PHKA2: variants seen among roughly 807,000 people sequenced by gnomAD.
PHKA2 encodes the protein phosphorylase kinase regulatory subunit alpha 2.
PHKA2 carries 31 observed loss-of-function variants against 102.0 expected under a neutral mutation model. That is an observed-to-expected ratio of 0.30 (90% confidence interval 0.23 to 0.41). PHKA2 has a LOEUF of 0.41. Among genes scored for constraint, PHKA2 ranks in the 10% least tolerant of loss-of-function variants. PHKA2 has a pLI of 1.00. For missense variants in PHKA2, 858 were observed against 1,023.1 expected (o/e 0.84, Z 2.20); for synonymous variants, 455 against 416.2 (o/e 1.09, Z -1.13).
chrX:18,927,799 C>T (rs1353748551), intron 13 of PHKA2, among the ~76,000 whole-genome samples: 1 of 111,304 alleles, frequency 9.0e-6, no homozygotes, highest in African/African-American at 3.3e-5. Flanking sequence ...CTTTCCTTAA[C>T]ACCTGTCTCT....
Position 18,901,521 on chromosome X carries a change from CCT to C in PHKA2, c.2989_2990del (p.Arg997GlufsTer4). On this transcript the variant is annotated frameshift_variant, in exon 27 of 33. Transcript: ENST00000379942. LOFTEE classifies it high-confidence loss of function. ...VGHTGVTKTE[R>X]SGINRLRSEM... is the part of the protein sequence containing the mutation. ...CACTCCTCAGTCTGTTAATGCCACT[CCT>C]CTCAGTTTTGGTGACTCCGGTATGG... The C allele has an allele frequency of 8.3e-7, 1 of 1,202,638 alleles. No homozygotes were observed. The highest frequency in any genetic ancestry group is 1.1e-6 in the Non-Finnish European group (1 of 887,214).
chrX:18,969,256 G>A (rs1375498382), intron 1 of PHKA2, among the ~76,000 whole-genome samples: 1 of 111,433 alleles, frequency 9.0e-6, no homozygotes, highest in Non-Finnish European at 1.9e-5. Context: ...TCTGCCAAAT[G>A]CCCAAGTCTG....
At chrX:18,894,020 C>T (rs200819036) in intron 32 of PHKA2, 184 bp downstream of exon 32, 5 of 494,442 alleles carry the variant, frequency 1.0e-5, no homozygotes, top group African/African-American at 6.9e-5. Flanking sequence ...GCCTATCCAT[C>T]CCCAAAGGTC....
rs1306294626 is a variant in PHKA2 at position 18,895,140 on chromosome X, C to A, written c.3334G>T (p.Glu1112Ter). Residue 1112 changes from glutamate to a stop codon, truncating the protein, a stop_gained and splice_region_variant, in exon 31 of 33, where the codon GAG (glutamate) becomes TAG (stop). Coordinates refer to ENST00000379942, the MANE Select transcript of PHKA2 (RefSeq NM_000292.3). LOFTEE classifies it high-confidence loss of function. ...CCTCTGCGTTTTTCTCATCGTACCTCTCGGGTCGTCGAGGATGGGAGGACA... is the reference window on the plus strand; with the variant it reads ...CCTCTGCGTTTTTCTCATCGTACCTATCGGGTCGTCGAGGATGGGAGGACA... The part of the protein sequence containing the change: ...GYVLPSSTTR[E>*]MTPHEIKFAV... 2 of 1,210,782 alleles carry A rather than the reference C, an allele frequency of 1.7e-6. No homozygotes were observed. The highest frequency in any genetic ancestry group is 2.2e-6 in the Non-Finnish European group (2 of 894,657).
chrX:18,983,257 C>A (rs2148056191), intron 1 of PHKA2, among the ~76,000 whole-genome samples: 1 of 112,972 alleles, frequency 8.9e-6, no homozygotes, highest in African/African-American at 3.2e-5. Context: ...CAGGCAAATT[C>A]ATACCTCGGA....
At chrX:18,962,651 TCAAACAAA>T (rs779082679) in intron 1 of PHKA2, among the ~76,000 whole-genome samples, 1 of 111,425 alleles carries the variant, frequency 9.0e-6, no homozygotes, top group Admixed American at 9.5e-5. Context: ...TATACCACAG[TCAAACAAA>T]CAAACAAACA....
chrX:18,935,455 C>T (rs1469677657), intron 11 of PHKA2, among the ~76,000 whole-genome samples: 1 of 111,733 alleles, frequency 8.9e-6, no homozygotes, highest in Non-Finnish European at 1.9e-5. Context: ...TGGGTTTACG[C>T]TCTTTAGAGA....
intron 26 of PHKA2, among the ~76,000 whole-genome samples, chrX:18,904,490 A>G (rs976021188): frequency 8.9e-5 from 10 of 112,771 alleles, no homozygotes; most frequent in Non-Finnish European, 1.9e-4. Context: ...TAGCATCTAT[A>G]GCTGTACATC....
At chrX:18,939,586 C>T (rs1278369376) in intron 9 of PHKA2, among the ~76,000 whole-genome samples, 1 of 112,113 alleles carries the variant, frequency 8.9e-6, no homozygotes. Context: ...CTCCGCCTCC[C>T]GGGTTCACGC....
At position 18,926,587 on chromosome X, in the gene PHKA2, A is replaced by C; in HGVS notation, c.1325T>G (p.Val442Gly). ...TSVKPDVVVQ[V>G]TVLAENNHIK... ...GTGATTGTTTTCTGCCAAAACAGTA[A>C]CTGTGAACAAGAACACAGAATGAGC... Residue 442 changes from valine to glycine, a missense_variant and splice_region_variant, in exon 14 of 33, where the codon GTT becomes GGT. Val to Gly is a moderately radical substitution (Grantham distance 109, BLOSUM62 -3). This residue lies in a region of PHKA2 where 671 missense variants were observed against 745.2 expected (regional missense o/e 0.90). Coordinates refer to ENST00000379942, the MANE Select transcript of PHKA2 (RefSeq NM_000292.3). 8.3e-7 allele frequency: 1 copy of C among 1,209,431 alleles called. No individual in the cohort carries two copies. The highest frequency in any genetic ancestry group is 1.1e-6 in the Non-Finnish European group (1 of 893,149).
At chrX:18,922,375 A>G (rs1265379045) in intron 17 of PHKA2, among the ~76,000 whole-genome samples, 1 of 112,377 alleles carries the variant, frequency 8.9e-6, no homozygotes, top group Non-Finnish European at 1.9e-5. Context: ...GTGGATGCAG[A>G]TTGCTGGTAT....
At chrX:18,917,558 C>CA (rs976254301) in intron 19 of PHKA2, among the ~76,000 whole-genome samples, 10 of 110,914 alleles carry the variant, frequency 9.0e-5, no homozygotes, top group Non-Finnish European at 1.9e-4. Context: ...CACGCCCAGC[C>CA]AAAAAAATGT....
chrX:18,957,352 G>A (rs2048793721), intron 1 of PHKA2, among the ~76,000 whole-genome samples: 1 of 111,879 alleles, frequency 8.9e-6, no homozygotes, highest in East Asian at 2.8e-4. Context: ...GAGCTCTGGA[G>A]TCTTTACTTT....
intron 19 of PHKA2, among the ~76,000 whole-genome samples, chrX:18,918,082 C>T (rs1324216914): frequency 3.6e-5 from 4 of 111,060 alleles, no homozygotes; most frequent in Non-Finnish European, 7.5e-5. Context: ...AGGCCTAGAG[C>T]GCAGTCAGCA....
At chrX:18,894,509 G>C in intron 31 of PHKA2, 105 bp from the exon 32 acceptor site, 1 of 689,081 alleles carries the variant, frequency 1.5e-6, no homozygotes, top group East Asian at 3.4e-5. Context: ...TGGGCTCGGG[G>C]CTCAGCGCCA....
intron 32 of PHKA2, 114 bp downstream of exon 32, chrX:18,894,090 C>CCAT: frequency 1.4e-6 from 1 of 716,792 alleles, no homozygotes. Context: ...CATTTTTTCC[C>CCAT]CATCATCTGT....
intron 1 of PHKA2, among the ~76,000 whole-genome samples, chrX:18,973,194 G>A (rs1479955928): frequency 9.0e-6 from 1 of 111,118 alleles, no homozygotes; most frequent in Non-Finnish European, 1.9e-5. Context: ...TAGTAGAGAC[G>A]GGGTTTCACC....
At chrX:18,944,067 G>A (rs767389588) in intron 6 of PHKA2, among the ~76,000 whole-genome samples, 2 of 109,834 alleles carry the variant, frequency 1.8e-5, no homozygotes, top group Non-Finnish European at 3.8e-5. Context: ...CTCCCATCTC[G>A]GCCTCCCAAA....
At chrX:18,957,760 A>ATATATATATATATATATATATATAT (rs2048805489) in intron 1 of PHKA2, among the ~76,000 whole-genome samples, 1 of 105,023 alleles carries the variant, frequency 9.5e-6, no homozygotes, top group African/African-American at 3.6e-5. Flanking sequence ...ATATATATAT[A>ATATATATATATATATATATATATAT]ATTGTACCCC....
Sources: gnomAD v4.1 joint callset for allele counts (sites outside exome capture counted in the v4.1 genomes callset) on GRCh38, gnomAD v4.1.1 for gene constraint, gnomAD v4.1.1 regional missense constraint, MANE v1.5 for transcripts, NCBI Gene and HGNC (gene_info 2026-07-23, HGNC 2026-07-21) for gene names.